Variants in RYR2 observed in about 807,000 individuals in gnomAD.
RYR2 encodes the protein cardiac muscle ryanodine receptor-calcium release channel.
Under a neutral mutation model 601.1 loss-of-function variants are expected in RYR2, and 227 were observed. That is an observed-to-expected ratio of 0.38 (90% confidence interval 0.34 to 0.42). The LOEUF (loss-of-function observed/expected upper bound fraction) is 0.42. Among genes scored for constraint, RYR2 ranks in the 10% least tolerant of loss-of-function variants. The pLI, the probability that RYR2 is intolerant of heterozygous loss-of-function variation, is 1.00. For missense variants in RYR2, 4,646 were observed against 6,156.5 expected, an observed-to-expected ratio of 0.75 and a Z score of 8.21; for synonymous variants, 2,223 against 2,175.1, an observed-to-expected ratio of 1.02 and a Z score of -0.61.
intron 16 of RYR2, 143 bp downstream of exon 16, chr1:237,456,878 AC>A: frequency 3.6e-6 from 3 of 841,372 alleles, no homozygotes; most frequent in Non-Finnish European, 5.2e-6. Context: ...GGAATTTGAG[AC>A]CAGCCTGGAC....
intron 36 of RYR2, among the ~76,000 whole-genome samples, chr1:237,612,629 T>A (rs992973528): frequency 2.6e-5 from 4 of 152,172 alleles, no homozygotes; most frequent in Non-Finnish European, 5.9e-5. Context: ...AGTTTTATCA[T>A]AATTTTTCAT....
At chr1:237,604,442 T>C (rs997085570) in intron 35 of RYR2, among the ~76,000 whole-genome samples, 2 of 152,110 alleles carry the variant, frequency 1.3e-5, no homozygotes, top group African/African-American at 4.8e-5. Context: ...GGGAAACTTA[T>C]AGCACTAATG....
At chr1:237,291,078 T>C (rs1692135846) in intron 2 of RYR2, among the ~76,000 whole-genome samples, 1 of 152,180 alleles carries the variant, frequency 6.6e-6, no homozygotes, top group South Asian at 2.1e-4. Context: ...GCAAGGTGAT[T>C]ATACCTACTA....
At chr1:237,593,886 G>T (rs1388501045) in intron 33 of RYR2, among the ~76,000 whole-genome samples, 1 of 152,128 alleles carries the variant, frequency 6.6e-6, no homozygotes, top group Non-Finnish European at 1.5e-5. Context: ...TATTCCTTCA[G>T]GTAACATGAC....
rs77088786 is a variant in RYR2, at chr1:237,358,752, A to G, written c.294+2767A>G. 7.8e-3 allele frequency among the ~76,000 whole-genome samples: 1,186 copies of G among 151,502 alleles called. 15 individuals are homozygous for G. The highest frequency in any genetic ancestry group is 0.027 in the African/African-American group (1,105 of 41,296). On this transcript the variant is annotated intron_variant, in intron 4 of 104. Coordinates refer to ENST00000366574, the MANE Select transcript of RYR2 (RefSeq NM_001035.3). Reference sequence around the variant, plus strand: ...ACTACACCCAGCCTTTTGCCTCTCAATCTCCAGGCATAGTAAGACACCAGT... The same window carrying G: ...ACTACACCCAGCCTTTTGCCTCTCAGTCTCCAGGCATAGTAAGACACCAGT...
chr1:237,111,037 C>T (rs1392885404), intron 1 of RYR2, among the ~76,000 whole-genome samples: 2 of 152,164 alleles, frequency 1.3e-5, no homozygotes, highest in Non-Finnish European at 2.9e-5. Flanking sequence ...TTCCTTCTCT[C>T]TAGCTTCAAC....
chr1:237,109,885 T>C (rs1669249588), intron 1 of RYR2, among the ~76,000 whole-genome samples: 1 of 152,124 alleles, frequency 6.6e-6, no homozygotes, highest in Admixed American at 6.5e-5. Flanking sequence ...TCACTGAGCG[T>C]ATGACCTGGC....
intron 29 of RYR2, among the ~76,000 whole-genome samples, chr1:237,579,253 T>A (rs865800041): frequency 3.1e-5 from 4 of 128,404 alleles, no homozygotes; most frequent in Non-Finnish European, 4.9e-5. Context: ...TTCTTCTTTT[T>A]TTTTTTTTTT....
chr1:237,209,041 T>A (rs60023867), intron 1 of RYR2, among the ~76,000 whole-genome samples: 33,320 of 136,092 alleles, frequency 0.24, 4,972 homozygotes, highest in East Asian at 0.42. Flanking sequence ...AAAAGTTTAA[T>A]ATTAATATAA....
intron 57 of RYR2, among the ~76,000 whole-genome samples, chr1:237,667,060 CTTCTT>C (rs1172902984): frequency 6.6e-6 from 1 of 152,140 alleles, no homozygotes; most frequent in East Asian, 1.9e-4. Flanking sequence ...CAAGGGCCAC[CTTCTT>C]TTAAGTTTTT....
At chr1:237,482,607 C>T (rs61833799) in intron 17 of RYR2, among the ~76,000 whole-genome samples, 1,729 of 152,170 alleles carry the variant, frequency 0.011, 24 homozygotes, top group Non-Finnish European at 0.017. Context: ...CATCTGCAGA[C>T]GGACATTTAG....
intron 16 of RYR2, among the ~76,000 whole-genome samples, chr1:237,463,332 A>T (rs1002800024): frequency 6.6e-6 from 1 of 152,160 alleles, no homozygotes; most frequent in African/African-American, 2.4e-5. Context: ...TATTTGTTGC[A>T]TAAATTTTTA....
At chr1:237,472,626 A>C (rs1660856114) in intron 17 of RYR2, among the ~76,000 whole-genome samples, 2 of 152,198 alleles carry the variant, frequency 1.3e-5, no homozygotes, top group African/African-American at 4.8e-5. Context: ...AAATAGATTT[A>C]GAATATATTT....
chr1:237,495,742 T>A (rs1664003795), intron 19 of RYR2, among the ~76,000 whole-genome samples: 1 of 152,196 alleles, frequency 6.6e-6, no homozygotes, highest in Non-Finnish European at 1.5e-5. Flanking sequence ...CTTGGTTCCT[T>A]CATAAACAAC....
intron 101 of RYR2, among the ~76,000 whole-genome samples, chr1:237,826,939 G>A (rs1451479919): frequency 1.3e-5 from 2 of 152,176 alleles, no homozygotes; most frequent in Non-Finnish European, 2.9e-5. Flanking sequence ...CCACGGTGCT[G>A]TATTGACCCA....
chr1:237,642,858 A>G (rs796509988), intron 47 of RYR2, among the ~76,000 whole-genome samples: 30 of 152,350 alleles, frequency 2.0e-4, no homozygotes, highest in African/African-American at 6.0e-4. Context: ...AGGGTCGAAG[A>G]CAGATGGATA....
At chr1:237,811,111 C>T (rs1192251181) in intron 100 of RYR2, among the ~76,000 whole-genome samples, 3 of 151,708 alleles carry the variant, frequency 2.0e-5, no homozygotes, top group Non-Finnish European at 4.4e-5. Context: ...TTTTAAAAGC[C>T]TAAGACAGTT....
intron 1 of RYR2, among the ~76,000 whole-genome samples, chr1:237,223,908 G>C (rs1311929805): frequency 2.6e-5 from 4 of 152,208 alleles, no homozygotes; most frequent in Non-Finnish European, 5.9e-5. Context: ...TCAGGTGACA[G>C]TGCCCACAAT....
intron 63 of RYR2, among the ~76,000 whole-genome samples, chr1:237,693,475 A>G (rs1235534596): frequency 6.6e-6 from 1 of 152,176 alleles, no homozygotes; most frequent in Non-Finnish European, 1.5e-5. Context: ...CCTCAGAGTT[A>G]GTGGAGAATT....
Sources: gnomAD v4.1 joint callset for allele counts (sites outside exome capture counted in the v4.1 genomes callset) on GRCh38, gnomAD v4.1.1 for gene constraint, MANE v1.5 for transcripts, NCBI Gene and HGNC (gene_info 2026-07-23, HGNC 2026-07-21) for gene names.